DAPP1: variants seen among roughly 807,000 people sequenced by gnomAD.
The protein encoded by DAPP1 is dual adapter for phosphotyrosine and 3-phosphotyrosine and 3-phosphoinositide.
DAPP1 carries 20 observed loss-of-function variants against 41.5 expected under a neutral mutation model. The observed-to-expected ratio is 0.48, with a 90% CI of 0.34 to 0.70. The LOEUF (loss-of-function observed/expected upper bound fraction) is 0.70. DAPP1 is among the 30% of genes least tolerant of loss of function. The pLI is 0.01. For missense variants in DAPP1, 233 were observed against 333.4 expected (o/e 0.70, Z 2.35); for synonymous variants, 113 against 116.2 (o/e 0.97, Z 0.18).
intron 3 of DAPP1, among the ~76,000 whole-genome samples, chr4:99,845,894 A>T (rs369982449): frequency 6.6e-6 from 1 of 152,246 alleles, no homozygotes; most frequent in African/African-American, 2.4e-5. Flanking sequence ...AGAGAAACTG[A>T]AAGAAAGGGA....
intron 3 of DAPP1, among the ~76,000 whole-genome samples, chr4:99,845,476 G>A (rs982676309): frequency 1.9e-4 from 29 of 152,314 alleles, no homozygotes; most frequent in African/African-American, 7.0e-4. Flanking sequence ...TTGCTGCCAT[G>A]GCACAGCATG....
chr4:99,820,683 T>A (rs1722745183), intron 1 of DAPP1, among the ~76,000 whole-genome samples: 1 of 152,192 alleles, frequency 6.6e-6, no homozygotes, highest in African/African-American at 2.4e-5. Context: ...ACCTTTTTTT[T>A]ATAAAGGGCC....
chr4:99,817,733 G>A (rs1722638829), intron 1 of DAPP1, among the ~76,000 whole-genome samples: 2 of 152,212 alleles, frequency 1.3e-5, no homozygotes. Flanking sequence ...ACACAAGAGA[G>A]GAATTGGGGA....
intron 1 of DAPP1, among the ~76,000 whole-genome samples, chr4:99,830,778 C>G (rs1429859602): frequency 6.6e-6 from 1 of 152,140 alleles, no homozygotes; most frequent in Non-Finnish European, 1.5e-5. Context: ...CTCTCTCTCT[C>G]TTTCTCTTTC....
In DAPP1 at chr4:99,820,914, C is replaced by T. The variant is rs1193895358; in HGVS notation, c.101+3900C>T. On this transcript the variant is annotated intron_variant, in intron 1 of 8. Transcript: ENST00000512369. The stretch of plus-strand genomic sequence containing the variant: ...AAAATGTACAGCCATTCTTGGCTCC[C>T]AGTCCATACTAAAACAGGTGTCTGA... 3.3e-5 allele frequency among the ~76,000 whole-genome samples: 5 copies of T among 152,222 alleles called. No homozygotes were observed. The East Asian group carries it at 9.6e-4, about 29-fold the overall frequency.
intron 8 of DAPP1, 139 bp from the exon 9 acceptor site, chr4:99,867,978 T>C (rs1724518741): frequency 1.3e-6 from 1 of 744,642 alleles, no homozygotes; most frequent in Non-Finnish European, 2.2e-6. Flanking sequence ...TAGCTTATAG[T>C]TGGGGGTGAG....
intron 8 of DAPP1, among the ~76,000 whole-genome samples, chr4:99,867,035 G>T (rs771476346): frequency 6.6e-6 from 1 of 152,094 alleles, no homozygotes. Flanking sequence ...CTCCCAAAGT[G>T]CTGGGATGAC....
intron 2 of DAPP1, among the ~76,000 whole-genome samples, chr4:99,836,831 T>A (rs1265051112): frequency 6.6e-6 from 1 of 152,254 alleles, no homozygotes; most frequent in Non-Finnish European, 1.5e-5. Context: ...GGATTCTCTG[T>A]CCAGGATCCT....
chr4:99,826,182 G>C (rs1722930669), intron 1 of DAPP1, among the ~76,000 whole-genome samples: 1 of 152,216 alleles, frequency 6.6e-6, no homozygotes, highest in Admixed American at 6.5e-5. Context: ...CAGCAAGAAA[G>C]ACACATCAAT....
At chr4:99,839,369 ATAGATAT>A (rs1723416235) in intron 2 of DAPP1, among the ~76,000 whole-genome samples, 1 of 108,178 alleles carries the variant, frequency 9.2e-6, no homozygotes, top group Non-Finnish European at 2.1e-5. Context: ...ATAGATATAT[ATAGATAT>A]CTATAGATAT....
intron 8 of DAPP1, chr4:99,866,722 C>T: frequency 1.0e-5 from 6 of 591,668 alleles, no homozygotes; most frequent in South Asian, 2.0e-5. Context: ...ACTAAAATTT[C>T]CTATAAATAC....
chr4:99,830,908 TTAAG>T (rs1723100233), intron 1 of DAPP1, among the ~76,000 whole-genome samples: 1 of 152,234 alleles, frequency 6.6e-6, no homozygotes, highest in Non-Finnish European at 1.5e-5. Flanking sequence ...GGAAGTTGGA[TTAAG>T]TAAGAAATTA....
intron 1 of DAPP1, among the ~76,000 whole-genome samples, chr4:99,824,850 G>A (rs1276798118): frequency 1.3e-5 from 2 of 152,106 alleles, no homozygotes; most frequent in South Asian, 2.1e-4. Context: ...CTCAGTTACT[G>A]GAGAGCAGTG....
At chr4:99,818,711 G>A (rs547914708) in intron 1 of DAPP1, among the ~76,000 whole-genome samples, 20 of 152,210 alleles carry the variant, frequency 1.3e-4, no homozygotes, top group Non-Finnish European at 2.8e-4. Flanking sequence ...GTACATTCAT[G>A]GCCAGATTTC....
chr4:99,861,224 GTA>G (rs1724224604), intron 4 of DAPP1, among the ~76,000 whole-genome samples: 1 of 152,172 alleles, frequency 6.6e-6, no homozygotes. Flanking sequence ...TCTCCCAAAC[GTA>G]TTGACAGTAG....
chr4:99,836,575 A>G (rs1359167993), intron 2 of DAPP1, among the ~76,000 whole-genome samples: 1 of 152,170 alleles, frequency 6.6e-6, no homozygotes, highest in African/African-American at 2.4e-5. Context: ...TGGCACCTCC[A>G]TATACCCTGG....
chr4:99,829,354 C>A (rs922615940), intron 1 of DAPP1, among the ~76,000 whole-genome samples: 1 of 151,936 alleles, frequency 6.6e-6, no homozygotes, highest in Non-Finnish European at 1.5e-5. Flanking sequence ...GTGGTGCACA[C>A]CTGTAGTCCC....
rs1268077600 is a variant in DAPP1, at chr4:99,869,551, C to G, written c.*1366C>G. 6.6e-6 allele frequency: 1 copy of G among 152,130 alleles called. No individual in the cohort carries two copies. Among genetic ancestry groups the G allele is most frequent in the Non-Finnish European group, 1.5e-5 (1 of 68,016 alleles). The allele number at this position is 152,130 out of a possible 1,614,324, so 9.4% of individuals were successfully genotyped here. On this transcript the variant is annotated 3_prime_UTR_variant, in exon 9 of 9. Coordinates refer to ENST00000512369, the MANE Select transcript of DAPP1 (RefSeq NM_014395.3). Reference sequence around the variant, plus strand: ...TACATTAAATTTTTGTATATTTCAACAACATTTTAAATGTATTTTGTTATG... The same window carrying G: ...TACATTAAATTTTTGTATATTTCAAGAACATTTTAAATGTATTTTGTTATG...
intron 3 of DAPP1, among the ~76,000 whole-genome samples, chr4:99,848,897 A>G (rs1261729726): frequency 2.6e-5 from 4 of 152,196 alleles, no homozygotes; most frequent in Non-Finnish European, 5.9e-5. Flanking sequence ...TAACATGGTT[A>G]TAGGGAACCT....
Sources: gnomAD v4.1 joint callset for allele counts (sites outside exome capture counted in the v4.1 genomes callset) on GRCh38, gnomAD v4.1.1 for gene constraint, MANE v1.5 for transcripts, NCBI Gene and HGNC (gene_info 2026-07-23, HGNC 2026-07-21) for gene names.